The following USP10 variants were observed in gnomAD, a reference collection of about 807,000 sequenced individuals.
USP10 encodes ubiquitin carboxyl-terminal hydrolase 10.
Under a neutral mutation model 84.5 loss-of-function variants are expected in USP10, and 22 were observed. The ratio of observed to expected loss-of-function variants is 0.26; its 90% confidence interval spans 0.19 to 0.37. The LOEUF is 0.37. USP10 is among the 10% of genes least tolerant of loss of function. The pLI is 1.00. For synonymous variants in USP10, 454 were observed against 387.6 expected (o/e 1.17, Z -2.01); for missense variants, 1,019 against 998.9 (o/e 1.02, Z -0.27).
chr16:84,741,599 C>G (rs1455473378), intron 3 of USP10, among the ~76,000 whole-genome samples: 1 of 152,220 alleles, frequency 6.6e-6, no homozygotes, highest in African/African-American at 2.4e-5. Context: ...TCCTTCCAGC[C>G]TGCCTGCCCT....
At chr16:84,716,268 G>A (rs1251471586) in intron 1 of USP10, 1 of 152,212 alleles carries the variant, frequency 6.6e-6, no homozygotes, top group African/African-American at 2.4e-5. Context: ...TGTACTATCT[G>A]ATTGCATCTT....
At chr16:84,769,109 TGCAG>T (rs759538225) in intron 11 of USP10, among the ~76,000 whole-genome samples, 4 of 152,118 alleles carry the variant, frequency 2.6e-5, no homozygotes, top group Non-Finnish European at 4.4e-5. Context: ...GGGAGATGAA[TGCAG>T]GCTGATAATT....
intron 1 of USP10, among the ~76,000 whole-genome samples, chr16:84,728,021 C>A (rs2150789888): frequency 6.6e-6 from 1 of 152,274 alleles, no homozygotes; most frequent in East Asian, 1.9e-4. Context: ...CTGGAAGTTT[C>A]CCACAGCCTT....
intron 1 of USP10, among the ~76,000 whole-genome samples, chr16:84,711,449 A>G (rs151145150): frequency 3.0e-4 from 45 of 152,316 alleles, no homozygotes; most frequent in Non-Finnish European, 6.6e-4. Context: ...CTGGTTGTCA[A>G]CATCTCTGAG....
At chr16:84,750,146 G>C (rs745708536) in intron 4 of USP10, among the ~76,000 whole-genome samples, 3 of 152,146 alleles carry the variant, frequency 2.0e-5, no homozygotes, top group Admixed American at 1.3e-4. Flanking sequence ...AGTGGCTCAC[G>C]CCTGTAATCC....
chr16:84,729,551 G>A (rs1334166173), intron 1 of USP10, among the ~76,000 whole-genome samples: 2 of 152,210 alleles, frequency 1.3e-5, no homozygotes, highest in Non-Finnish European at 2.9e-5. Context: ...CTCATTGTAT[G>A]GGAGATGGAA....
At chr16:84,737,960 T>G (rs1394951840) in intron 2 of USP10, among the ~76,000 whole-genome samples, 2 of 152,232 alleles carry the variant, frequency 1.3e-5, no homozygotes, top group African/African-American at 4.8e-5. Flanking sequence ...ATCTGTGTAT[T>G]TTTCCCGATT....
intron 4 of USP10, among the ~76,000 whole-genome samples, chr16:84,752,025 T>C (rs1352756906): frequency 6.6e-6 from 1 of 152,198 alleles, no homozygotes; most frequent in Non-Finnish European, 1.5e-5. Context: ...CATGTATGTC[T>C]TAAAATTTGA....
intron 12 of USP10, among the ~76,000 whole-genome samples, chr16:84,774,606 G>A (rs1002379766): frequency 6.6e-6 from 1 of 152,008 alleles, no homozygotes; most frequent in Non-Finnish European, 1.5e-5. Context: ...GAGTAGCTGA[G>A]ACTACAGCCG....
At chr16:84,706,126 T>G (rs1344497609) in intron 1 of USP10, among the ~76,000 whole-genome samples, 1 of 152,118 alleles carries the variant, frequency 6.6e-6, no homozygotes, top group African/African-American at 2.4e-5. Context: ...AAGGGATCCC[T>G]TCTGCTTCAG....
intron 13 of USP10, among the ~76,000 whole-genome samples, chr16:84,776,490 G>A (rs957658643): frequency 3.9e-5 from 6 of 152,178 alleles, no homozygotes; most frequent in African/African-American, 7.2e-5. Flanking sequence ...GGCACCACGC[G>A]CTTGTGGGTG....
At chr16:84,739,524 C>T (rs960739327) in intron 2 of USP10, among the ~76,000 whole-genome samples, 1 of 152,100 alleles carries the variant, frequency 6.6e-6, no homozygotes, top group Non-Finnish European at 1.5e-5. Context: ...TCACCCACCT[C>T]AGCCTCCCTC....
intron 1 of USP10, among the ~76,000 whole-genome samples, chr16:84,717,630 C>A (rs1322215570): frequency 6.6e-6 from 1 of 152,146 alleles, no homozygotes; most frequent in African/African-American, 2.4e-5. Context: ...AGGAGGAGGC[C>A]ACTACCTAGG....
rs529384501 is a variant in USP10 at position 84,728,443 on chromosome 16, G to A, written c.22-4992G>A. ...CAACCTCTGCCTCCCCGGTTCAAGCGATTCCCCTGCCTCAGCCTCCCGGGT... is the reference window on the plus strand; with the variant it reads ...CAACCTCTGCCTCCCCGGTTCAAGCAATTCCCCTGCCTCAGCCTCCCGGGT... On this transcript the variant is annotated intron_variant, in intron 1 of 13. Transcript: ENST00000219473. Among the ~76,000 whole-genome samples the A allele has an allele frequency of 8.6e-5, 13 of 151,772 alleles. 2 individuals are homozygous for A. The highest frequency in any genetic ancestry group is 2.9e-4 in the African/African-American group (12 of 41,360).
chr16:84,710,883 T>A (rs1906195942), intron 1 of USP10, among the ~76,000 whole-genome samples: 1 of 152,180 alleles, frequency 6.6e-6, no homozygotes, highest in African/African-American at 2.4e-5. Flanking sequence ...TGTGTACAGC[T>A]TTTTTTGTTT....
At chr16:84,746,329 GTA>G (rs1328540511) in intron 4 of USP10, among the ~76,000 whole-genome samples, 3 of 152,186 alleles carry the variant, frequency 2.0e-5, no homozygotes, top group Admixed American at 6.5e-5. Flanking sequence ...TATGAAAGAG[GTA>G]TGTGTCCTCA....
At chr16:84,724,597 C>T (rs572296821) in intron 1 of USP10, among the ~76,000 whole-genome samples, 1 of 152,248 alleles carries the variant, frequency 6.6e-6, no homozygotes, top group African/African-American at 2.4e-5. Flanking sequence ...TGCTATAGCC[C>T]TATTAGTGAG....
At chr16:84,733,173 T>G in intron 1 of USP10, 1 of 534,054 alleles carries the variant, frequency 1.9e-6, no homozygotes, top group Non-Finnish European at 3.5e-6. Flanking sequence ...TCGACAAGTT[T>G]GGCATACAAA....
intron 10 of USP10, 61 bp from the exon 11 acceptor site, chr16:84,768,132 C>G (rs1248798229): frequency 6.8e-7 from 1 of 1,478,896 alleles, no homozygotes; most frequent in African/African-American, 1.4e-5. Context: ...CTTGGTTAAT[C>G]TTAAGGGAAA....
Sources: allele counts gnomAD v4.1 joint callset (sites outside exome capture counted in the v4.1 genomes callset), GRCh38; gene constraint gnomAD v4.1.1; transcripts MANE v1.5; gene names NCBI Gene and HGNC (gene_info 2026-07-23, HGNC 2026-07-21).